The following ANO3 variants were observed in gnomAD, a reference collection of about 807,000 sequenced individuals.
The protein encoded by ANO3 is anoctamin-3.
In ANO3, 99 loss-of-function variants were observed where a neutral mutation model predicts 144.8. That is an observed-to-expected ratio of 0.68 (90% confidence interval 0.58 to 0.81). The LOEUF is 0.81. Among genes scored for constraint, ANO3 ranks in the 30% least tolerant of loss-of-function variants. The probability of loss-of-function intolerance (pLI) is 0.00; values close to 1 mark genes in which losing one functional copy is unlikely to be tolerated. For synonymous variants in ANO3, 414 were observed against 392.6 expected (o/e 1.05, Z -0.64); for missense variants, 905 against 1,202.2 (o/e 0.75, Z 3.66).
At chr11:26,521,338 T>A (rs1862067418) in intron 6 of ANO3, among the ~76,000 whole-genome samples, 1 of 152,230 alleles carries the variant, frequency 6.6e-6, no homozygotes, top group South Asian at 2.1e-4. Context: ...AGTTCCATAT[T>A]TATTCAACTT....
intron 14 of ANO3, among the ~76,000 whole-genome samples, chr11:26,587,084 A>G (rs1353109206): frequency 2.0e-5 from 3 of 152,076 alleles, no homozygotes; most frequent in Non-Finnish European, 4.4e-5. Context: ...AAATTCATGT[A>G]ATCCTTCTGA....
At chr11:26,435,100 C>A (rs1383552565) in intron 1 of ANO3, among the ~76,000 whole-genome samples, 1 of 152,030 alleles carries the variant, frequency 6.6e-6, no homozygotes, top group African/African-American at 2.4e-5. Flanking sequence ...TCTGGGCGCT[C>A]CTATTTTGGG....
At position 26,539,899 on chromosome 11, in the gene ANO3, C is replaced by A. The variant is rs574280186; in HGVS notation, c.1033-2048C>A. On this transcript the variant is annotated intron_variant, in intron 10 of 26. Transcript: ENST00000256737. ...TCTAGGTGAGAAAACTGAGACATAA[C>A]TCCACTTGCTTTAAATTTTTGTCAA... 4.3e-4 allele frequency among the ~76,000 whole-genome samples: 65 copies of A among 152,246 alleles called. 1 individual carries two copies. The South Asian group carries it at 0.013, about 30-fold the overall frequency.
At chr11:26,367,867 G>A (rs899391705) in intron 1 of ANO3, among the ~76,000 whole-genome samples, 1 of 152,114 alleles carries the variant, frequency 6.6e-6, no homozygotes, top group African/African-American at 2.4e-5. Flanking sequence ...AAGTGGGGCA[G>A]GTGGAAGCAC....
At chr11:26,659,278 A>G (rs866375893) in intron 26 of ANO3, among the ~76,000 whole-genome samples, 3 of 152,164 alleles carry the variant, frequency 2.0e-5, no homozygotes, top group South Asian at 4.1e-4. Flanking sequence ...AAAACAGCTA[A>G]TAAGCATAGG....
At chr11:26,552,869 T>C (rs1849971725) in intron 12 of ANO3, among the ~76,000 whole-genome samples, 1 of 152,038 alleles carries the variant, frequency 6.6e-6, no homozygotes, top group Non-Finnish European at 1.5e-5. Context: ...ACCAAATAGG[T>C]TTGATTCCAT....
chr11:26,291,584 T>G (rs1395698831), intron 1 of ANO3, among the ~76,000 whole-genome samples: 6 of 152,084 alleles, frequency 3.9e-5, no homozygotes, highest in South Asian at 4.1e-4. Context: ...TCCTTCAGGA[T>G]CTCTTGTAAG....
At chr11:26,518,861 G>A (rs1861959675) in intron 6 of ANO3, among the ~76,000 whole-genome samples, 1 of 151,918 alleles carries the variant, frequency 6.6e-6, no homozygotes, top group South Asian at 2.1e-4. Context: ...TATAATAAGA[G>A]ATGAAAAAGG....
At chr11:26,475,776 A>T (rs1334274370) in intron 4 of ANO3, among the ~76,000 whole-genome samples, 2 of 152,102 alleles carry the variant, frequency 1.3e-5, no homozygotes, top group African/African-American at 2.4e-5. Flanking sequence ...TTATCCTTGG[A>T]CTTTTCTTTC....
At chr11:26,354,717 C>T (rs1855732814) in intron 1 of ANO3, among the ~76,000 whole-genome samples, 1 of 151,942 alleles carries the variant, frequency 6.6e-6, no homozygotes, top group Non-Finnish European at 1.5e-5. Flanking sequence ...TTTAACTTTT[C>T]ATATTACCTC....
chr11:26,282,301 AT>A (rs1256242585), intron 1 of ANO3, among the ~76,000 whole-genome samples: 1 of 143,266 alleles, frequency 7.0e-6, no homozygotes, highest in African/African-American at 2.8e-5. Context: ...ACAGGTTTTC[AT>A]TTTTTTTGTT....
chr11:26,292,399 A>C (rs1043459936), intron 1 of ANO3, among the ~76,000 whole-genome samples: 3 of 152,106 alleles, frequency 2.0e-5, no homozygotes, highest in Non-Finnish European at 4.4e-5. Context: ...CAATCTTCTG[A>C]AGCCCACTTC....
intron 4 of ANO3, among the ~76,000 whole-genome samples, chr11:26,478,408 A>C (rs1176162106): frequency 6.6e-6 from 1 of 152,090 alleles, no homozygotes; most frequent in Non-Finnish European, 1.5e-5. Flanking sequence ...TGATGTAGAG[A>C]TATATGGTGG....
At chr11:26,442,145 T>A in intron 2 of ANO3, 33 bp downstream of exon 2, 1 of 1,589,990 alleles carries the variant, frequency 6.3e-7, no homozygotes, top group African/African-American at 1.3e-5. Flanking sequence ...TTGTTCAATT[T>A]ATAAAAACTA....
chr11:26,440,503 G>A (rs1365915750), intron 1 of ANO3, among the ~76,000 whole-genome samples: 1 of 152,130 alleles, frequency 6.6e-6, no homozygotes, highest in East Asian at 1.9e-4. Flanking sequence ...TAATAAAGAA[G>A]ACTAGAAGAA....
chr11:26,305,631 T>A (rs1443320925), upstream of ANO3, among the ~76,000 whole-genome samples: 1 of 152,212 alleles, frequency 6.6e-6, no homozygotes, highest in South Asian at 2.1e-4. Context: ...CACTTTTATG[T>A]TTCTAAAGAT....
At chr11:26,424,650 A>T (rs1322154568) in intron 1 of ANO3, among the ~76,000 whole-genome samples, 1 of 152,124 alleles carries the variant, frequency 6.6e-6, no homozygotes, top group Non-Finnish European at 1.5e-5. Context: ...GCTCGGAAAT[A>T]GAAAGCTGAT....
At chr11:26,451,375 C>A (rs1397222129) in intron 3 of ANO3, among the ~76,000 whole-genome samples, 3 of 152,190 alleles carry the variant, frequency 2.0e-5, no homozygotes, top group Non-Finnish European at 4.4e-5. Context: ...TCGGGTCACT[C>A]CCACCCGAAT....
In ANO3 at chr11:26,245,016, T is replaced by TGCGCGC. The variant is rs560456542; in HGVS notation, c.154+55687_154+55688insCGCGCG. ...GTGTGTGTGTGTGTGTGTGTGTGTG[T>TGCGCGC]GTGTGCATGCATGCATTTGTCTTTC... On this transcript the variant is annotated intron_variant, in intron 1 of 27. Transcript: ENST00000672621. 3.8e-3 allele frequency among the ~76,000 whole-genome samples: 398 copies of TGCGCGC among 105,072 alleles called. 7 individuals carry two copies. The highest frequency in any genetic ancestry group is 0.011 in the South Asian group (32 of 3,044). The allele number at this position is 105,072 out of a possible 152,430, so 68.9% of individuals were successfully genotyped here. A position where few individuals can be genotyped will look rare whatever the true frequency, so the allele number is the denominator to read the frequency against.
Sources: gnomAD v4.1 joint callset for allele counts (sites outside exome capture counted in the v4.1 genomes callset) on GRCh38, gnomAD v4.1.1 for gene constraint, MANE v1.5 for transcripts, NCBI Gene and HGNC (gene_info 2026-07-23, HGNC 2026-07-21) for gene names.